Variants in ZNF254 observed in about 807,000 individuals in gnomAD.
ZNF254 encodes the protein zinc finger protein 254.
Under a neutral mutation model 12.4 loss-of-function variants are expected in ZNF254, and 10 were observed. The observed-to-expected ratio is 0.80, with a 90% confidence interval of 0.50 to 1.36. The LOEUF (loss-of-function observed/expected upper bound fraction) is 1.36, where lower values mean the gene tolerates loss of function less well. ZNF254 is among the 40% of genes most tolerant of loss of function. The pLI is 0.00. For synonymous variants in ZNF254, 305 were observed against 253.4 expected (o/e 1.20, Z -1.93); for missense variants, 996 against 763.9 (o/e 1.30, Z -3.58).
At chr19:24,091,965 T>G (rs2145681959) in intron 1 of ZNF254, 1 of 338,414 alleles carries the variant, frequency 3.0e-6, no homozygotes, top group East Asian at 1.7e-4. Flanking sequence ...CTGCAAGCTC[T>G]GTCTCCCGGG....
chr19:24,049,829 C>T (rs755396705), intron 2 of ZNF254, among the ~76,000 whole-genome samples: 3 of 152,058 alleles, frequency 2.0e-5, no homozygotes, highest in Non-Finnish European at 4.4e-5. Context: ...ATCCCTGCAT[C>T]CATCACACAG....
At chr19:24,107,620 C>T (rs566203771) in intron 3 of ZNF254, among the ~76,000 whole-genome samples, 5 of 152,110 alleles carry the variant, frequency 3.3e-5, no homozygotes, top group Non-Finnish European at 5.9e-5. Flanking sequence ...ACATGATCTA[C>T]AAACAGCAAC....
intron 2 of ZNF254, among the ~76,000 whole-genome samples, chr19:24,076,370 C>T (rs1971660010): frequency 6.6e-6 from 1 of 152,146 alleles, no homozygotes; most frequent in Admixed American, 6.5e-5. Context: ...CGTTTGGGGT[C>T]CCTGACTTCC....
intron 2 of ZNF254, chr19:24,079,245 T>A (rs1165964007): frequency 6.6e-6 from 1 of 152,180 alleles, no homozygotes; most frequent in Non-Finnish European, 1.5e-5. Context: ...CCCTGCCACT[T>A]GGTTCAGCGG....
rs532083305 is a variant in ZNF254, at chr19:24,080,363, A to G, written c.-93-25577A>G. The G allele has an allele frequency of 7.2e-5, 11 of 152,300 alleles. 1 individual carries two copies. In the South Asian group the frequency reaches 1.5e-3, roughly 20 times the overall value. The allele number at this position is 152,300 out of a possible 1,614,324, so 9.4% of individuals were successfully genotyped here. ...ACACTGTAAGAAAACTGACCACTGGAAGAGGGTTTGTCCAGTGTTCTGAAG... is the reference window on the plus strand; with the variant it reads ...ACACTGTAAGAAAACTGACCACTGGGAGAGGGTTTGTCCAGTGTTCTGAAG... On this transcript the variant is annotated intron_variant, in intron 2 of 4. Coordinates refer to the ZNF254 transcript ENST00000613065.
chr19:24,048,171 T>A (rs1306660416), intron 2 of ZNF254, among the ~76,000 whole-genome samples: 4 of 151,992 alleles, frequency 2.6e-5, no homozygotes, highest in Non-Finnish European at 5.9e-5. Flanking sequence ...TGACCAGATG[T>A]GGGCTGAGCT....
At chr19:24,105,360 A>C (rs372150333) in intron 1 of ZNF254, 138 of 234,880 alleles carry the variant, frequency 5.9e-4, no homozygotes, top group African/African-American at 2.8e-3. Flanking sequence ...AAAACTAAAA[A>C]AAAAAACAAA....
At chr19:24,046,371 TTTTATATATATATATA>T (rs1445521247) in intron 2 of ZNF254, 3 of 51,396 alleles carry the variant, frequency 5.8e-5, no homozygotes, top group African/African-American at 2.4e-4. Flanking sequence ...TTTTATTATT[TTTTATATATATATATA>T]TATATATATA....
At chr19:24,105,096 A>G (rs1973255324) in intron 1 of ZNF254, 1 of 153,550 alleles carries the variant, frequency 6.5e-6, no homozygotes, top group Non-Finnish European at 1.4e-5. Flanking sequence ...TTCTGGGTGC[A>G]TCAGCACACT....
rs966412530 is a variant in ZNF254 at position 24,129,192 on chromosome 19, A to T, written c.*1212A>T. 2.0e-5 allele frequency: 3 copies of T among 152,086 alleles called. No homozygotes were observed. The highest frequency in any genetic ancestry group is 7.2e-5 in the African/African-American group (3 of 41,454). 9.4% of individuals were successfully genotyped at this position (152,086 alleles called of 1,614,324 possible). A position where few individuals can be genotyped will look rare whatever the true frequency, so the allele number is the denominator to read the frequency against. ...ATAATATTCCTCTGCATTATTATGA[A>T]TGAAAAGCATTCTTAATTTTAGTTA... On this transcript the variant is annotated 3_prime_UTR_variant, in exon 4 of 4. Coordinates refer to ENST00000357002, the MANE Select transcript of ZNF254 (RefSeq NM_203282.4).
At chr19:24,106,682 G>T (rs1240116027) in intron 3 of ZNF254, 39 bp downstream of exon 3, 2 of 1,497,012 alleles carry the variant, frequency 1.3e-6, no homozygotes, top group Admixed American at 3.6e-5. Flanking sequence ...ATGGATGAGA[G>T]GTCCAAAGTC....
At chr19:24,102,118 G>A (rs541299600) in intron 1 of ZNF254, among the ~76,000 whole-genome samples, 3 of 152,226 alleles carry the variant, frequency 2.0e-5, no homozygotes, top group East Asian at 1.9e-4. Context: ...TGCATCATAT[G>A]GTGGGTACAA....
chr19:24,105,826 A>T lies in ZNF254; in HGVS notation c.31-114A>T, dbSNP rs920113625. The T allele has an allele frequency of 6.2e-6, 9 of 1,448,432 alleles. No homozygotes were observed. In the African/African-American group the frequency reaches 1.0e-4, roughly 16 times the overall value. 89.7% of individuals were successfully genotyped at this position (1,448,432 alleles called of 1,614,324 possible). On this transcript the variant is annotated intron_variant, in intron 1 of 3. Transcript: ENST00000357002. ...GACAATTATTTTATTGGATAATTTC[A>T]ATCACTCTTATAAGTCAGAACCAGT...
intron 3 of ZNF254, among the ~76,000 whole-genome samples, chr19:24,108,044 G>T (rs1973447488): frequency 6.6e-6 from 1 of 152,200 alleles, no homozygotes; most frequent in Non-Finnish European, 1.5e-5. Context: ...CCTGCATATG[G>T]TGAGTTTTAT....
In ZNF254 at chr19:24,128,994, C is replaced by G. The variant is rs1023104763; in HGVS notation, c.*1014C>G. ...TGTATTCATATGTGAAAGCATGTGA[C>G]TAATTGTTGCTGCATAAAAGATATG... On this transcript the variant is annotated 3_prime_UTR_variant, in exon 4 of 4. Coordinates refer to ENST00000357002, the MANE Select transcript of ZNF254 (RefSeq NM_203282.4). 4 of 147,358 alleles carry G rather than the reference C, an allele frequency of 2.7e-5. No individual in the cohort carries two copies. The highest frequency in any genetic ancestry group is 4.4e-5 in the Non-Finnish European group (3 of 67,656). The allele number at this position is 147,358 out of a possible 1,614,324, so 9.1% of individuals were successfully genotyped here.
chr19:24,091,872 A>G (rs1195828818), intron 1 of ZNF254: 3 of 954,986 alleles, frequency 3.1e-6, no homozygotes, highest in Non-Finnish European at 3.7e-6. Flanking sequence ...AAGTGTTCCT[A>G]TGTGATTAAT....
At chr19:24,108,517 G>A (rs1047452359) in intron 3 of ZNF254, among the ~76,000 whole-genome samples, 1 of 152,062 alleles carries the variant, frequency 6.6e-6, no homozygotes, top group African/African-American at 2.4e-5. Flanking sequence ...TTTTTGATCT[G>A]GGGTATTGTA....
intron 3 of ZNF254, among the ~76,000 whole-genome samples, chr19:24,109,720 C>CT (rs59907004): frequency 1.8e-3 from 236 of 132,292 alleles, no homozygotes; most frequent in South Asian, 4.1e-3. Flanking sequence ...CTTTTCTTTT[C>CT]TTTTTTTTTT....
At chr19:24,064,339 T>A (rs1971189442) in intron 2 of ZNF254, among the ~76,000 whole-genome samples, 1 of 152,098 alleles carries the variant, frequency 6.6e-6, no homozygotes, top group African/African-American at 2.4e-5. Context: ...ATTACTTTTT[T>A]ACCTAGGCCC....
Sources: gnomAD v4.1 joint callset for allele counts (sites outside exome capture counted in the v4.1 genomes callset) on GRCh38, gnomAD v4.1.1 for gene constraint, MANE v1.5 for transcripts, NCBI Gene and HGNC (gene_info 2026-07-23, HGNC 2026-07-21) for gene names.